SETBP1: variants seen among roughly 807,000 people sequenced by gnomAD.
The protein encoded by SETBP1 is SET binding protein 1.
A neutral mutation model predicts 101.0 loss-of-function variants in SETBP1; 9 were observed. That is an observed-to-expected ratio of 0.09 (90% CI 0.05 to 0.16). SETBP1 has a LOEUF of 0.16. Ranked by LOEUF, SETBP1 falls within the 10% of genes least tolerant of loss-of-function variation. The probability of loss-of-function intolerance (pLI) is 1.00; values close to 1 mark genes in which losing one functional copy is unlikely to be tolerated. For missense variants in SETBP1, 1,858 were observed against 2,033.8 expected, an observed-to-expected ratio of 0.91 and a Z score of 1.66; for synonymous variants, 818 against 788.5, an observed-to-expected ratio of 1.04 and a Z score of -0.63.
At chr18:44,796,787 T>C (rs936642999) in intron 2 of SETBP1, among the ~76,000 whole-genome samples, 2 of 152,150 alleles carry the variant, frequency 1.3e-5, no homozygotes, top group African/African-American at 2.4e-5. Flanking sequence ...ATTTCAGAAC[T>C]TGGCCAGCAC....
chr18:44,729,742 A>C (rs1349968164), intron 2 of SETBP1, among the ~76,000 whole-genome samples: 1 of 152,214 alleles, frequency 6.6e-6, no homozygotes, highest in Non-Finnish European at 1.5e-5. Flanking sequence ...GTAAAGTCTT[A>C]GAGCTGTGGA....
intron 2 of SETBP1, among the ~76,000 whole-genome samples, chr18:44,743,074 TTTCTCTCTCTCTCCTC>T (rs2070136929): frequency 6.6e-6 from 1 of 151,210 alleles, no homozygotes; most frequent in South Asian, 2.1e-4. Context: ...CCTTCCTCCC[TTTCTCTCTCTCTCCTC>T]TTCTCTCTCC....
intron 2 of SETBP1, among the ~76,000 whole-genome samples, chr18:44,839,928 A>G (rs1266545510): frequency 6.6e-6 from 1 of 152,220 alleles, no homozygotes; most frequent in African/African-American, 2.4e-5. Flanking sequence ...ATTGATATGT[A>G]ATTTTTGATA....
intron 3 of SETBP1, among the ~76,000 whole-genome samples, chr18:44,874,737 C>T (rs1327355855): frequency 6.6e-6 from 1 of 152,182 alleles, no homozygotes; most frequent in African/African-American, 2.4e-5. Flanking sequence ...ACTCCACTTT[C>T]CTTAGTCCCC....
chr18:44,802,446 A>C (rs1012767973), intron 2 of SETBP1, among the ~76,000 whole-genome samples: 1 of 152,194 alleles, frequency 6.6e-6, no homozygotes, highest in South Asian at 2.1e-4. Flanking sequence ...ATAAGCGACA[A>C]CTTTGCTTAT....
intron 2 of SETBP1, among the ~76,000 whole-genome samples, chr18:44,847,104 A>G (rs1237409560): frequency 1.3e-5 from 2 of 152,216 alleles, no homozygotes; most frequent in African/African-American, 4.8e-5. Flanking sequence ...CAGCCTATAA[A>G]TATGTTAGAG....
At chr18:44,802,363 C>T (rs2071624762) in intron 2 of SETBP1, among the ~76,000 whole-genome samples, 1 of 152,116 alleles carries the variant, frequency 6.6e-6, no homozygotes. Flanking sequence ...TATGAAGACC[C>T]ACTGATACTT....
chr18:44,995,242 C>T (rs995646121), intron 4 of SETBP1, among the ~76,000 whole-genome samples: 9 of 149,870 alleles, frequency 6.0e-5, no homozygotes, highest in Non-Finnish European at 1.0e-4. Flanking sequence ...CCTGGGTTCA[C>T]GCCATTCTCC....
intron 5 of SETBP1, among the ~76,000 whole-genome samples, chr18:45,052,635 T>C (rs1568052580): frequency 2.0e-5 from 3 of 152,210 alleles, no homozygotes; most frequent in Admixed American, 1.3e-4. Flanking sequence ...TGCAAAATTA[T>C]TGTTTCTGTG....
At chr18:44,817,963 AGACT>A (rs1313873885) in intron 2 of SETBP1, among the ~76,000 whole-genome samples, 1 of 152,234 alleles carries the variant, frequency 6.6e-6, no homozygotes, top group African/African-American at 2.4e-5. Context: ...ATAAGCTTCC[AGACT>A]TACGTGTTTT....
intron 2 of SETBP1, among the ~76,000 whole-genome samples, chr18:44,847,192 G>A (rs141679630): frequency 4.6e-5 from 7 of 152,320 alleles, no homozygotes; most frequent in East Asian, 1.9e-4. Context: ...GCCAGTCTGC[G>A]TGCTCACCAT....
In SETBP1 at chr18:44,963,658, G is replaced by C. The variant is rs377108551; in HGVS notation, c.4000+10318G>C. On this transcript the variant is annotated intron_variant, in intron 4 of 5. Coordinates refer to ENST00000649279, the MANE Select transcript of SETBP1 (RefSeq NM_015559.3). ...AATCCCAGCACTTTGGGAGACCAAA[G>C]CAGGCGAATTGCCTGGGCCCAGGAG... Among the ~76,000 whole-genome samples the C allele has an allele frequency of 7.3e-5, 11 of 151,578 alleles. No individual in the cohort carries two copies. In the East Asian group the frequency reaches 1.8e-3, roughly 24 times the overall value.
At chr18:44,837,048 C>T (rs1389770889) in intron 2 of SETBP1, among the ~76,000 whole-genome samples, 1 of 152,178 alleles carries the variant, frequency 6.6e-6, no homozygotes, top group African/African-American at 2.4e-5. Flanking sequence ...CCAAGGATTG[C>T]AAAGGGCAGG....
At chr18:44,718,021 C>T (rs1346305273) in intron 2 of SETBP1, among the ~76,000 whole-genome samples, 1 of 152,180 alleles carries the variant, frequency 6.6e-6, no homozygotes. Context: ...CTAATGAACT[C>T]AACTTTACTC....
chr18:44,894,998 C>T (rs1288272222), intron 3 of SETBP1, among the ~76,000 whole-genome samples: 4 of 149,122 alleles, frequency 2.7e-5, no homozygotes, highest in African/African-American at 9.9e-5. Flanking sequence ...CCTGTAGTCC[C>T]AGCTACTAGG....
chr18:44,818,766 C>T (rs943267508), intron 2 of SETBP1, among the ~76,000 whole-genome samples: 2 of 151,540 alleles, frequency 1.3e-5, no homozygotes, highest in Non-Finnish European at 2.9e-5. Flanking sequence ...CACACACACA[C>T]ACACACACAC....
Position 44,950,399 on chromosome 18 carries a change from T to C in SETBP1, c.1059T>C (p.Asp353=), listed in dbSNP as rs529964853. ...AGACCATACCAAACCCAGACCTGGATTGGGTCAAGAATGCCCAGAAAGCAT... is the reference window on the plus strand; with the variant it reads ...AGACCATACCAAACCCAGACCTGGACTGGGTCAAGAATGCCCAGAAAGCAT... ...ISQTIPNPDL[D]WVKNAQKAFD... Residue 353 remains aspartate (D), a synonymous_variant, in exon 4 of 6, where the codon GAT becomes GAC. Coordinates refer to ENST00000649279, the MANE Select transcript of SETBP1 (RefSeq NM_015559.3). 14 of 1,614,096 alleles carry C rather than the reference T, an allele frequency of 8.7e-6. No individual in the cohort carries two copies. In the Admixed American group the frequency reaches 1.8e-4, roughly 21 times the overall value.
At chr18:44,905,085 A>G (rs1338384238) in intron 3 of SETBP1, among the ~76,000 whole-genome samples, 1 of 152,242 alleles carries the variant, frequency 6.6e-6, no homozygotes, top group Non-Finnish European at 1.5e-5. Context: ...GAATAAAAGT[A>G]TAAGAGACCA....
intron 1 of SETBP1, among the ~76,000 whole-genome samples, chr18:44,686,389 T>G (rs887664213): frequency 1.3e-5 from 2 of 152,232 alleles, no homozygotes; most frequent in East Asian, 3.9e-4. Context: ...ACACCTCAGC[T>G]GTCTCTGTGT....
Sources: gnomAD v4.1 joint callset for allele counts (sites outside exome capture counted in the v4.1 genomes callset) on GRCh38, gnomAD v4.1.1 for gene constraint, MANE v1.5 for transcripts, NCBI Gene and HGNC (gene_info 2026-07-23, HGNC 2026-07-21) for gene names.